Variants in CPNE4 observed in about 807,000 individuals in gnomAD.
CPNE4 encodes the protein copine 4.
A neutral mutation model predicts 67.9 loss-of-function variants in CPNE4; 25 were observed. That is an observed-to-expected ratio of 0.37 (90% CI 0.27 to 0.51). The LOEUF (loss-of-function observed/expected upper bound fraction) is 0.51, where lower values mean the gene tolerates loss of function less well. Among genes scored for constraint, CPNE4 ranks in the 20% least tolerant of loss-of-function variants. CPNE4 has a pLI of 0.93. For missense variants in CPNE4, 464 were observed against 690.8 expected, an observed-to-expected ratio of 0.67 and a Z score of 3.68; for synonymous variants, 242 against 244.9, an observed-to-expected ratio of 0.99 and a Z score of 0.11.
chr3:131,963,795 G>A (rs1222382049), intron 1 of CPNE4, among the ~76,000 whole-genome samples: 1 of 152,210 alleles, frequency 6.6e-6, no homozygotes, highest in Non-Finnish European at 1.5e-5. Flanking sequence ...GGAAGGAGCA[G>A]CTGTTGGCAC....
intron 1 of CPNE4, among the ~76,000 whole-genome samples, chr3:131,987,189 C>T (rs2073071707): frequency 6.6e-6 from 1 of 152,100 alleles, no homozygotes; most frequent in South Asian, 2.1e-4. Flanking sequence ...AGTTCAAGAA[C>T]ATGAAAAGCT....
At chr3:131,878,087 G>A (rs1251111373) in intron 2 of CPNE4, among the ~76,000 whole-genome samples, 1 of 152,138 alleles carries the variant, frequency 6.6e-6, no homozygotes, top group African/African-American at 2.4e-5. Context: ...CTCTACTAAA[G>A]CTAAACATAG....
intron 3 of CPNE4, among the ~76,000 whole-genome samples, chr3:131,714,946 G>A (rs961784791): frequency 2.0e-5 from 3 of 152,136 alleles, no homozygotes; most frequent in Non-Finnish European, 4.4e-5. Flanking sequence ...GGCTTTGACA[G>A]GTGTCCTCTG....
chr3:131,969,279 C>T lies in CPNE4; in HGVS notation c.-1-63835G>A, dbSNP rs180771569. 6.0e-3 allele frequency among the ~76,000 whole-genome samples: 916 copies of T among 151,944 alleles called. 6 individuals are homozygous for T. Among genetic ancestry groups the T allele is most frequent in the Non-Finnish European group, 8.5e-3 (577 of 67,958 alleles). On this transcript the variant is annotated intron_variant, in intron 1 of 15. Coordinates refer to ENST00000429747, the MANE Select transcript of CPNE4 (RefSeq NM_130808.3). ...CATGCGGGTCTTAAAACCTAGCTGA[C>T]GGGTTGATGGGTGCAGCAAACCACC...
intron 2 of CPNE4, among the ~76,000 whole-genome samples, chr3:131,846,416 C>T (rs1043194984): frequency 6.6e-6 from 1 of 152,166 alleles, no homozygotes; most frequent in African/African-American, 2.4e-5. Flanking sequence ...TTCTTTCCCC[C>T]TCACTCACTG....
At chr3:131,957,472 G>C (rs538642863) in intron 1 of CPNE4, among the ~76,000 whole-genome samples, 2 of 152,326 alleles carry the variant, frequency 1.3e-5, no homozygotes, top group East Asian at 1.9e-4. Flanking sequence ...CAAACTGTTG[G>C]ATAAGAAACC....
chr3:131,789,199 C>T (rs1432047428), intron 2 of CPNE4, among the ~76,000 whole-genome samples: 2 of 152,138 alleles, frequency 1.3e-5, no homozygotes, highest in East Asian at 3.9e-4. Context: ...GGTTCCTGTT[C>T]TGGAGACGTA....
intron 2 of CPNE4, among the ~76,000 whole-genome samples, chr3:131,777,171 G>A (rs528094176): frequency 1.3e-5 from 2 of 151,990 alleles, no homozygotes; most frequent in South Asian, 4.1e-4. Context: ...TTAAAGTGGA[G>A]GTGATATTAT....
intron 7 of CPNE4, among the ~76,000 whole-genome samples, chr3:131,627,564 G>C (rs902020443): frequency 1.3e-5 from 2 of 152,202 alleles, no homozygotes; most frequent in African/African-American, 4.8e-5. Context: ...ACCTGCTATA[G>C]ATAGTGCTCT....
chr3:131,659,406 G>A (rs1019960600), intron 7 of CPNE4, among the ~76,000 whole-genome samples: 20 of 152,124 alleles, frequency 1.3e-4, no homozygotes, highest in Admixed American at 9.2e-4. Flanking sequence ...ATTAAATAAT[G>A]TGAGGAAACT....
At chr3:131,957,658 T>C (rs1451508930) in intron 1 of CPNE4, among the ~76,000 whole-genome samples, 1 of 152,202 alleles carries the variant, frequency 6.6e-6, no homozygotes, top group East Asian at 1.9e-4. Context: ...AGCCATTCAC[T>C]CACCAAGTAT....
chr3:131,764,770 AT>A (rs2082968420), intron 2 of CPNE4, among the ~76,000 whole-genome samples: 1 of 152,098 alleles, frequency 6.6e-6, no homozygotes, highest in Non-Finnish European at 1.5e-5. Flanking sequence ...TAATTTGTGT[AT>A]TTACTGGTAG....
intron 3 of CPNE4, among the ~76,000 whole-genome samples, chr3:131,717,553 A>G (rs2081731379): frequency 6.6e-6 from 1 of 152,120 alleles, no homozygotes; most frequent in African/African-American, 2.4e-5. Context: ...GGCCAGCATC[A>G]TGTTATATTC....
intron 1 of CPNE4, among the ~76,000 whole-genome samples, chr3:131,918,140 TA>T (rs554377056): frequency 3.3e-4 from 51 of 152,358 alleles, no homozygotes; most frequent in African/African-American, 1.2e-3. Flanking sequence ...TCAGAAAATC[TA>T]AATAAATTGC....
chr3:131,947,408 C>T (rs2071584954), intron 1 of CPNE4, among the ~76,000 whole-genome samples: 1 of 152,028 alleles, frequency 6.6e-6, no homozygotes, highest in Admixed American at 6.6e-5. Flanking sequence ...CCCAATAGGC[C>T]CCAGTGTGTG....
At chr3:131,651,336 T>A (rs1256890505) in intron 7 of CPNE4, among the ~76,000 whole-genome samples, 2 of 152,226 alleles carry the variant, frequency 1.3e-5, no homozygotes. Context: ...CTAAGGGCAC[T>A]TCACCTGAAA....
At chr3:131,577,324 CAT>C (rs1179185829) in intron 9 of CPNE4, among the ~76,000 whole-genome samples, 4 of 152,038 alleles carry the variant, frequency 2.6e-5, no homozygotes, top group Admixed American at 1.3e-4. Flanking sequence ...TATATACAAT[CAT>C]GTGTCATTTA....
chr3:131,985,879 G>C (rs1030693879), intron 1 of CPNE4: 6 of 154,000 alleles, frequency 3.9e-5, no homozygotes, highest in African/African-American at 1.4e-4. Context: ...CCATCATCCT[G>C]TTATGTTTGC....
chr3:131,670,169 T>A (rs1054261176), intron 6 of CPNE4, among the ~76,000 whole-genome samples: 1 of 152,170 alleles, frequency 6.6e-6, no homozygotes, highest in Non-Finnish European at 1.5e-5. Context: ...AGGTAAAGAC[T>A]CTTAGTAGGG....
Sources: allele counts gnomAD v4.1 joint callset (sites outside exome capture counted in the v4.1 genomes callset), GRCh38; gene constraint gnomAD v4.1.1; transcripts MANE v1.5; gene names NCBI Gene and HGNC (gene_info 2026-07-23, HGNC 2026-07-21).